Variants in ZNF680 observed in about 807,000 individuals in gnomAD.
ZNF680 encodes zinc finger protein 680.
Under a neutral mutation model 12.1 loss-of-function variants are expected in ZNF680, and 6 were observed. The observed-to-expected ratio is 0.49, with a 90% CI of 0.27 to 0.98. ZNF680 has a LOEUF of 0.98. Ranked by LOEUF, ZNF680 falls within the 50% of genes least tolerant of loss-of-function variation. The pLI, the probability that ZNF680 is intolerant of heterozygous loss-of-function variation, is 0.12. For synonymous variants in ZNF680, 170 were observed against 199.3 expected (o/e 0.85, Z 1.24); for missense variants, 561 against 616.3 (o/e 0.91, Z 0.95).
At chr7:64,503,495 C>CT in the ZNF680 span, among the ~76,000 whole-genome samples, 1 of 150,982 alleles carries the variant, frequency 6.6e-6, no homozygotes, top group Non-Finnish European at 1.5e-5. Context: ...ATTCTCCTGC[C>CT]TCAGCCTCCT....
At chr7:64,532,441 G>A (rs1036482941) in intron 3 of ZNF680, among the ~76,000 whole-genome samples, 2 of 151,958 alleles carry the variant, frequency 1.3e-5, no homozygotes, top group Non-Finnish European at 2.9e-5. Context: ...ACATAAACTC[G>A]AAAACCTAGA....
At chr7:64,511,147 G>A in the ZNF680 span, among the ~76,000 whole-genome samples, 1 of 151,760 alleles carries the variant, frequency 6.6e-6, no homozygotes, top group African/African-American at 2.4e-5. Context: ...GCAGGTGCCT[G>A]TAATCCCAGC....
rs529551971 is a variant in ZNF680 at position 64,527,353 on chromosome 7, C to T, written c.254-4853G>A. On this transcript the variant is annotated intron_variant, in intron 3 of 3. Transcript: ENST00000309683. ...AATAACAATAAACTGATAATAGTAA[C>T]TTTATTTCTTTAAGCAATCATTTTA... 5.3e-5 allele frequency among the ~76,000 whole-genome samples: 8 copies of T among 152,170 alleles called. No homozygotes were observed. The South Asian group carries it at 8.3e-4, about 16-fold the overall frequency.
intron 3 of ZNF680, among the ~76,000 whole-genome samples, chr7:64,533,382 G>A (rs1233794309): frequency 6.6e-6 from 1 of 151,998 alleles, no homozygotes; most frequent in Non-Finnish European, 1.5e-5. Flanking sequence ...GTGACCTAGT[G>A]GAGAATCAAA....
Position 64,522,082 on chromosome 7 carries a change from C to T in ZNF680, c.672G>A (p.Glu224=). The part of the protein sequence containing the change: ...ECGKVLNWFS[E]LIKHKGIHMG... ...TATGAATTCCCTTATGTTTAATAAG[C>T]TCTGAGAACCAGTTAAGAACTTTGC... The change falls in exon 4 of 4, where the codon GAG becomes GAA. Residue 224 remains glutamate, a synonymous_variant. Coordinates refer to ENST00000309683, the MANE Select transcript of ZNF680 (RefSeq NM_178558.5). The T allele has an allele frequency of 2.5e-6, 4 of 1,611,672 alleles. No homozygotes were observed. The highest frequency in any genetic ancestry group is 3.4e-6 in the Non-Finnish European group (4 of 1,179,018).
chr7:64,555,104 C>A (rs909700444), intron 1 of ZNF680, among the ~76,000 whole-genome samples: 1 of 152,154 alleles, frequency 6.6e-6, no homozygotes, highest in African/African-American at 2.4e-5. Flanking sequence ...ACCCCACAGA[C>A]CCTGTTAGAT....
chr7:64,504,454 T>TA, the ZNF680 span, among the ~76,000 whole-genome samples: 2 of 152,242 alleles, frequency 1.3e-5, no homozygotes, highest in Non-Finnish European at 2.9e-5. Context: ...TCATATGTTT[T>TA]ATGGAATTTG....
downstream of ZNF680, among the ~76,000 whole-genome samples, chr7:64,519,669 T>C (rs541653726): frequency 6.6e-6 from 1 of 151,952 alleles, no homozygotes; most frequent in South Asian, 2.1e-4. Flanking sequence ...TTGCTTTTGC[T>C]ATGTGGAATC....
At chr7:64,539,520 G>A (rs533810852) in intron 3 of ZNF680, among the ~76,000 whole-genome samples, 8 of 152,156 alleles carry the variant, frequency 5.3e-5, no homozygotes, top group African/African-American at 9.6e-5. Context: ...AAGTGGAAGC[G>A]TGTCTGTCAA....
intron 1 of ZNF680, among the ~76,000 whole-genome samples, chr7:64,562,657 C>A (rs1295975923): frequency 6.6e-6 from 1 of 152,230 alleles, no homozygotes; most frequent in Non-Finnish European, 1.5e-5. Flanking sequence ...GGCAGAGATG[C>A]GGCACTGCGG....
chr7:64,555,888 A>G (rs1308830467), intron 1 of ZNF680, among the ~76,000 whole-genome samples: 1 of 152,026 alleles, frequency 6.6e-6, no homozygotes, highest in Non-Finnish European at 1.5e-5. Flanking sequence ...TATGCACATG[A>G]ACTAGAAAAT....
chr7:64,513,311 A>G, the ZNF680 span, among the ~76,000 whole-genome samples: 2 of 152,142 alleles, frequency 1.3e-5, no homozygotes, highest in African/African-American at 4.8e-5. Flanking sequence ...AAAAATAAAA[A>G]AAGTCTTAAA....
At chr7:64,499,219 T>C in the ZNF680 span, among the ~76,000 whole-genome samples, 1 of 152,200 alleles carries the variant, frequency 6.6e-6, no homozygotes, top group Non-Finnish European at 1.5e-5. Flanking sequence ...CTGTACTATA[T>C]TCAGACAAGG....
intron 3 of ZNF680, among the ~76,000 whole-genome samples, chr7:64,524,139 AAAG>A (rs2116376327): frequency 6.9e-6 from 1 of 145,618 alleles, no homozygotes; most frequent in East Asian, 2.0e-4. Flanking sequence ...CCAAAGAGAC[AAAG>A]AAGAATTTTT....
intron 1 of ZNF680, among the ~76,000 whole-genome samples, chr7:64,560,499 G>C (rs533865588): frequency 6.6e-6 from 1 of 152,236 alleles, no homozygotes; most frequent in Admixed American, 6.5e-5. Flanking sequence ...AAAAGTTAAG[G>C]CTTGGAATTC....
At chr7:64,516,809 A>C (rs1483338566), downstream of ZNF680, among the ~76,000 whole-genome samples, 4 of 152,224 alleles carry the variant, frequency 2.6e-5, no homozygotes, top group Non-Finnish European at 5.9e-5. Flanking sequence ...AGTTAACAAC[A>C]AAAACCTTTA....
chr7:64,531,879 G>A (rs1055729167), intron 3 of ZNF680, among the ~76,000 whole-genome samples: 1 of 151,834 alleles, frequency 6.6e-6, no homozygotes, highest in African/African-American at 2.4e-5. Flanking sequence ...CACACTTCAA[G>A]AAACTAGAGA....
Position 64,522,477 on chromosome 7 carries a change from C to T in ZNF680, c.277G>A (p.Asp93Asn). 6.6e-7 allele frequency: 1 copy of T among 1,521,924 alleles called. No homozygotes were observed. The highest frequency in any genetic ancestry group is 1.4e-5 in the South Asian group (1 of 72,520). The allele number at this position is 1,521,924 out of a possible 1,614,324, so 94.3% of individuals were successfully genotyped here. A position where few individuals can be genotyped will look rare whatever the true frequency, so the allele number is the denominator to read the frequency against. ...TTTATGCTATGCTCTGGCCAAAGGT[C>T]TTCAGTGAAATGAGAATATATAACT... ...PPVIYSHFTE[D>N]LWPEHSIKDS... Residue 93 changes from aspartate (D) to asparagine (N), a missense_variant, in exon 4 of 4, where the codon GAC becomes AAC. Coordinates refer to ENST00000309683, the MANE Select transcript of ZNF680 (RefSeq NM_178558.5).
chr7:64,518,146 TTGA>T (rs1791391930), downstream of ZNF680, among the ~76,000 whole-genome samples: 2 of 151,960 alleles, frequency 1.3e-5, no homozygotes, highest in South Asian at 4.1e-4. Context: ...TCACTATTTG[TTGA>T]TGATATGATT....
Sources: allele counts gnomAD v4.1 joint callset (sites outside exome capture counted in the v4.1 genomes callset), GRCh38; gene constraint gnomAD v4.1.1; transcripts MANE v1.5; gene names NCBI Gene and HGNC (gene_info 2026-07-23, HGNC 2026-07-21).